Variants in OSBPL10 observed in about 807,000 individuals in gnomAD.
The protein encoded by OSBPL10 is oxysterol binding protein like 10.
OSBPL10 carries 49 observed loss-of-function variants against 81.7 expected under a neutral mutation model. The observed-to-expected ratio is 0.60, with a 90% CI of 0.48 to 0.76. OSBPL10 has a LOEUF of 0.76. Among genes scored for constraint, OSBPL10 ranks in the 30% least tolerant of loss-of-function variants. The probability of loss-of-function intolerance (pLI) is 0.00; values close to 1 mark genes in which losing one functional copy is unlikely to be tolerated. For missense variants in OSBPL10, 923 were observed against 987.8 expected, an observed-to-expected ratio of 0.93 and a Z score of 0.88; for synonymous variants, 419 against 383.6, an observed-to-expected ratio of 1.09 and a Z score of -1.08.
chr3:31,880,450 AG>A (rs1695533968), intron 1 of OSBPL10, among the ~76,000 whole-genome samples: 1 of 152,228 alleles, frequency 6.6e-6, no homozygotes, highest in Non-Finnish European at 1.5e-5. Flanking sequence ...TGGTAAAAGA[AG>A]AAGAACTCCA....
intron 1 of OSBPL10, among the ~76,000 whole-genome samples, chr3:31,965,565 T>G (rs1388723446): frequency 8.4e-5 from 7 of 83,334 alleles, no homozygotes; most frequent in East Asian, 4.1e-4. Flanking sequence ...ATATAAATTA[T>G]ATATTATATA....
At chr3:31,882,651 G>A (rs1030080426) in intron 1 of OSBPL10, among the ~76,000 whole-genome samples, 2 of 152,140 alleles carry the variant, frequency 1.3e-5, no homozygotes, top group African/African-American at 2.4e-5. Flanking sequence ...TAGAATGTGA[G>A]CAGAAGTGTG....
chr3:31,926,297 A>ACCCCCCCCCG (rs1697075171), intron 1 of OSBPL10, among the ~76,000 whole-genome samples: 1 of 58,004 alleles, frequency 1.7e-5, no homozygotes, highest in African/African-American at 7.7e-5. Flanking sequence ...TTGCCCCCCC[A>ACCCCCCCCCG]GAGGATAGCT....
chr3:31,816,734 A>T (rs1699843144), intron 4 of OSBPL10, among the ~76,000 whole-genome samples: 1 of 152,154 alleles, frequency 6.6e-6, no homozygotes, highest in South Asian at 2.1e-4. Context: ...CAAGACGAAG[A>T]TGAGCTTTAT....
chr3:31,782,769 T>C (rs925187829), intron 4 of OSBPL10, among the ~76,000 whole-genome samples: 2 of 152,130 alleles, frequency 1.3e-5, no homozygotes, highest in African/African-American at 4.8e-5. Flanking sequence ...ATGGCCATAA[T>C]TTAAAAATCA....
At chr3:31,803,242 T>C (rs1699435129) in intron 4 of OSBPL10, among the ~76,000 whole-genome samples, 1 of 152,158 alleles carries the variant, frequency 6.6e-6, no homozygotes. Context: ...ACAGCCCCCC[T>C]TCTCCCCAGA....
At chr3:31,915,955 G>T (rs985454118) in intron 1 of OSBPL10, among the ~76,000 whole-genome samples, 12 of 151,926 alleles carry the variant, frequency 7.9e-5, no homozygotes, top group African/African-American at 2.7e-4. Context: ...AATTAGCCAG[G>T]TGTGGTGGTG....
chr3:32,059,505 C>A (rs766602790), intron 1 of OSBPL10, among the ~76,000 whole-genome samples: 1 of 151,588 alleles, frequency 6.6e-6, no homozygotes, highest in Non-Finnish European at 1.5e-5. Flanking sequence ...GCAGGAGAAT[C>A]GCTTGAACCC....
intron 3 of OSBPL10, among the ~76,000 whole-genome samples, chr3:31,847,221 G>C (rs1489798853): frequency 1.4e-5 from 2 of 143,462 alleles, no homozygotes; most frequent in Non-Finnish European, 3.0e-5. Context: ...TAAAAAGACA[G>C]AATTTCATTT....
At position 32,007,975 on chromosome 3, in the gene OSBPL10, G is replaced by C. The variant is rs566598075; in HGVS notation, n.298+38516C>G. On this transcript the variant is annotated intron_variant and non_coding_transcript_variant, in intron 2 of 3. Transcript: ENST00000479173. Reference sequence around the variant, plus strand: ...CCACCTCAGCCTCCCAAAGTGCTGGGATTACAGGCATGAGCCACTGCGCCC... The same window carrying C: ...CCACCTCAGCCTCCCAAAGTGCTGGCATTACAGGCATGAGCCACTGCGCCC... Among the ~76,000 whole-genome samples the C allele has an allele frequency of 1.1e-4, 16 of 152,088 alleles. 1 individual carries two copies. The highest frequency in any genetic ancestry group is 3.1e-4 in the African/African-American group (13 of 41,476).
chr3:31,771,429 A>G (rs1047031493), intron 4 of OSBPL10, among the ~76,000 whole-genome samples: 2 of 152,042 alleles, frequency 1.3e-5, no homozygotes, highest in Non-Finnish European at 2.9e-5. Context: ...AACACCCACC[A>G]AGAGTTTTGC....
chr3:31,742,406 G>A (rs1462741254), intron 5 of OSBPL10, among the ~76,000 whole-genome samples: 1 of 151,430 alleles, frequency 6.6e-6, no homozygotes, highest in Non-Finnish European at 1.5e-5. Context: ...TGGATGAAGA[G>A]TTATTGCAAG....
intron 4 of OSBPL10, among the ~76,000 whole-genome samples, chr3:31,825,389 G>A (rs1425384907): frequency 2.0e-5 from 3 of 152,050 alleles, no homozygotes; most frequent in East Asian, 1.9e-4. Flanking sequence ...TGGGGCAATC[G>A]TTGCTCATTG....
At chr3:31,778,937 C>G (rs578071453) in intron 4 of OSBPL10, among the ~76,000 whole-genome samples, 1 of 152,010 alleles carries the variant, frequency 6.6e-6, no homozygotes, top group Non-Finnish European at 1.5e-5. Context: ...AAAATAATTC[C>G]GAGCCAAGAA....
chr3:32,040,181 C>T (rs1001573981), intron 2 of OSBPL10, among the ~76,000 whole-genome samples: 2 of 151,970 alleles, frequency 1.3e-5, no homozygotes, highest in Non-Finnish European at 1.5e-5. Context: ...CCCAGGAGGG[C>T]GGATCACCTG....
intron 4 of OSBPL10, among the ~76,000 whole-genome samples, chr3:31,760,386 C>T (rs954132536): frequency 5.3e-5 from 8 of 152,126 alleles, no homozygotes; most frequent in African/African-American, 1.7e-4. Context: ...TCCAGGACTC[C>T]GCCTGGATAT....
intron 4 of OSBPL10, among the ~76,000 whole-genome samples, chr3:31,765,202 GTTT>G (rs1698158261): frequency 6.6e-6 from 1 of 150,960 alleles, no homozygotes; most frequent in African/African-American, 2.4e-5. Context: ...GTTTTGTTTT[GTTT>G]TTGTTTTTTT....
intron 4 of OSBPL10, among the ~76,000 whole-genome samples, chr3:31,813,134 G>A (rs925336998): frequency 6.6e-6 from 1 of 152,212 alleles, no homozygotes; most frequent in Non-Finnish European, 1.5e-5. Flanking sequence ...TTGGACTGCA[G>A]AGAATAATCA....
intron 1 of OSBPL10, among the ~76,000 whole-genome samples, chr3:31,902,258 A>ATTTT (rs574112153): frequency 6.0e-4 from 71 of 117,932 alleles, no homozygotes; most frequent in African/African-American, 1.0e-3. Flanking sequence ...TCTTGTCAGT[A>ATTTT]TTTTTTTTTT....
Sources: gnomAD v4.1 joint callset for allele counts (sites outside exome capture counted in the v4.1 genomes callset) on GRCh38, gnomAD v4.1.1 for gene constraint, MANE v1.5 for transcripts, NCBI Gene and HGNC (gene_info 2026-07-23, HGNC 2026-07-21) for gene names.